The following SGIP1 variants were observed in gnomAD, a reference collection of about 807,000 sequenced individuals.
The protein encoded by SGIP1 is SH3-containing GRB2-like protein 3-interacting protein 1.
In SGIP1, 38 loss-of-function variants were observed where a neutral mutation model predicts 107.5. That is an observed-to-expected ratio of 0.35 (90% CI 0.27 to 0.46). The LOEUF is 0.46. Ranked by LOEUF, SGIP1 falls within the 20% of genes least tolerant of loss-of-function variation. SGIP1 has a pLI of 1.00. For synonymous variants in SGIP1, 365 were observed against 366.1 expected (o/e 1.00, Z 0.03); for missense variants, 929 against 1,019.5 (o/e 0.91, Z 1.21).
At chr1:66,616,419 T>A (rs2069329294) in intron 1 of SGIP1, among the ~76,000 whole-genome samples, 2 of 139,990 alleles carry the variant, frequency 1.4e-5, no homozygotes, top group African/African-American at 2.5e-5. Context: ...AAAATCTGCA[T>A]AAAGTGATGT....
chr1:66,536,713 G>A (rs2053692984), intron 1 of SGIP1, among the ~76,000 whole-genome samples: 1 of 152,172 alleles, frequency 6.6e-6, no homozygotes, highest in South Asian at 2.1e-4. Flanking sequence ...AGTGGACTCT[G>A]AGAATGTGCT....
intron 1 of SGIP1, among the ~76,000 whole-genome samples, chr1:66,544,559 C>T (rs541359087): frequency 4.6e-5 from 7 of 152,170 alleles, no homozygotes; most frequent in East Asian, 1.9e-4. Context: ...CATGGTGGTG[C>T]GCACCTGTAC....
At chr1:66,694,436 T>C (rs1481718117) in intron 17 of SGIP1, 18 of 1,606,876 alleles carry the variant, frequency 1.1e-5, no homozygotes, top group Non-Finnish European at 1.4e-5. Flanking sequence ...CTTTGGTTCG[T>C]AGTGTCAGAA....
chr1:66,689,069 C>G, intron 15 of SGIP1, 79 bp from the exon 16 acceptor site: 2 of 1,408,098 alleles, frequency 1.4e-6, no homozygotes, highest in South Asian at 1.6e-5. Flanking sequence ...AAAAAATGTC[C>G]GGGACTGGCA....
intron 2 of SGIP1, among the ~76,000 whole-genome samples, chr1:66,627,439 A>G (rs571087052): frequency 6.6e-6 from 1 of 152,180 alleles, no homozygotes; most frequent in Admixed American, 6.5e-5. Context: ...AAGGCTGGAA[A>G]GGAGACCAGG....
intron 18 of SGIP1, among the ~76,000 whole-genome samples, chr1:66,718,066 T>TA (rs1176554201): frequency 3.3e-5 from 5 of 152,030 alleles, no homozygotes; most frequent in East Asian, 1.9e-4. Context: ...CAAGAGGAGA[T>TA]AAAAAAGAGA....
intron 15 of SGIP1, among the ~76,000 whole-genome samples, chr1:66,682,819 C>CT (rs5774830): frequency 2.8e-4 from 41 of 148,012 alleles, no homozygotes; most frequent in African/African-American, 2.5e-4. Flanking sequence ...GGGTGGGCTT[C>CT]TTTTTTTTTT....
intron 1 of SGIP1, among the ~76,000 whole-genome samples, chr1:66,571,094 C>A (rs2060313487): frequency 6.6e-6 from 1 of 151,920 alleles, no homozygotes; most frequent in Admixed American, 6.6e-5. Flanking sequence ...AGTATTCCTG[C>A]CCTTAACAAA....
At chr1:66,658,273 T>C (rs1332263336) in intron 7 of SGIP1, among the ~76,000 whole-genome samples, 1 of 152,198 alleles carries the variant, frequency 6.6e-6, no homozygotes, top group African/African-American at 2.4e-5. Flanking sequence ...AAGCATTAGT[T>C]TTTGCTCTAG....
At chr1:66,590,453 AT>A (rs2063443422) in intron 1 of SGIP1, 1 of 151,938 alleles carries the variant, frequency 6.6e-6, no homozygotes, top group African/African-American at 2.4e-5. Flanking sequence ...TTTACTTTTT[AT>A]TTTTACTTTT....
chr1:66,699,925 A>T (rs1330337132), intron 18 of SGIP1, among the ~76,000 whole-genome samples: 1 of 152,208 alleles, frequency 6.6e-6, no homozygotes, highest in African/African-American at 2.4e-5. Flanking sequence ...AAAATAAAAT[A>T]AAAATAATAA....
intron 18 of SGIP1, among the ~76,000 whole-genome samples, chr1:66,706,093 AAAAAC>A (rs199520200): frequency 0.02 from 2,995 of 152,072 alleles, 93 homozygotes; most frequent in African/African-American, 0.068. Flanking sequence ...ATATTAAAAC[AAAAAC>A]AAAACAAAAC....
At chr1:66,716,060 G>A (rs1033871187) in intron 18 of SGIP1, among the ~76,000 whole-genome samples, 2 of 152,098 alleles carry the variant, frequency 1.3e-5, no homozygotes, top group African/African-American at 2.4e-5. Context: ...CCCTGCCAAA[G>A]ATCATTTAGA....
intron 1 of SGIP1, among the ~76,000 whole-genome samples, chr1:66,562,601 G>A (rs893303231): frequency 3.3e-5 from 5 of 152,176 alleles, no homozygotes; most frequent in African/African-American, 1.2e-4. Flanking sequence ...AATATGCTTA[G>A]GACCGAAACT....
intron 24 of SGIP1, 140 bp downstream of exon 24, chr1:66,741,576 C>A: frequency 2.4e-6 from 2 of 822,612 alleles, no homozygotes; most frequent in Non-Finnish European, 3.5e-6. Context: ...GAAAACCAAC[C>A]AATTATTGAA....
At chr1:66,651,644 G>A (rs192235283) in intron 7 of SGIP1, among the ~76,000 whole-genome samples, 4 of 152,272 alleles carry the variant, frequency 2.6e-5, no homozygotes, top group Admixed American at 2.6e-4. Flanking sequence ...TCCCCACTGA[G>A]TTCATCCACA....
intron 11 of SGIP1, 70 bp downstream of exon 11, chr1:66,672,065 C>T: frequency 1.4e-6 from 2 of 1,443,704 alleles, no homozygotes; most frequent in South Asian, 1.2e-5. Flanking sequence ...AGCAAATCTC[C>T]TTTGAGCTAA....
At chr1:66,543,071 G>C (rs1203450837) in intron 1 of SGIP1, among the ~76,000 whole-genome samples, 2 of 152,156 alleles carry the variant, frequency 1.3e-5, no homozygotes, top group African/African-American at 4.8e-5. Flanking sequence ...TGATCTTTCA[G>C]AACAGTCATC....
At chr1:66,580,894 TAAAA>T (rs2061726010) in intron 1 of SGIP1, among the ~76,000 whole-genome samples, 1 of 152,088 alleles carries the variant, frequency 6.6e-6, no homozygotes, top group South Asian at 2.1e-4. Context: ...CATACATCAC[TAAAA>T]AATGAGCTGT....
Sources: allele counts gnomAD v4.1 joint callset (sites outside exome capture counted in the v4.1 genomes callset), GRCh38; gene constraint gnomAD v4.1.1; transcripts MANE v1.5; gene names NCBI Gene and HGNC (gene_info 2026-07-23, HGNC 2026-07-21).